ENOX1: variants seen among roughly 807,000 people sequenced by gnomAD.
ENOX1 encodes the protein ecto-NOX disulfide-thiol exchanger 1.
ENOX1 carries 42 observed loss-of-function variants against 82.5 expected under a neutral mutation model. The ratio of observed to expected loss-of-function variants is 0.51; its 90% CI spans 0.40 to 0.66. The LOEUF is 0.66. Ranked by LOEUF, ENOX1 falls within the 30% of genes least tolerant of loss-of-function variation. The pLI is 0.00. For synonymous variants in ENOX1, 271 were observed against 282.2 expected (o/e 0.96, Z 0.40); for missense variants, 608 against 811.6 (o/e 0.75, Z 3.05).
chr13:43,604,749 A>G (rs1205834068), intron 2 of ENOX1, among the ~76,000 whole-genome samples: 1 of 152,180 alleles, frequency 6.6e-6, no homozygotes, highest in African/African-American at 2.4e-5. Context: ...CTGTTATTCA[A>G]CACAACTGGA....
intron 2 of ENOX1, among the ~76,000 whole-genome samples, chr13:43,521,456 C>T (rs2077765149): frequency 1.3e-5 from 2 of 152,030 alleles, no homozygotes; most frequent in South Asian, 4.2e-4. Flanking sequence ...GCTGGGTATT[C>T]CCGCTCTCAT....
chr13:43,616,191 T>TAG (rs1475110129), intron 2 of ENOX1, among the ~76,000 whole-genome samples: 2 of 18,746 alleles, frequency 1.1e-4, no homozygotes, highest in Non-Finnish European at 6.8e-4. Context: ...TCTATCTATA[T>TAG]ATATATATAT....
At chr13:43,496,390 T>C (rs916603257) in intron 2 of ENOX1, among the ~76,000 whole-genome samples, 2 of 146,746 alleles carry the variant, frequency 1.4e-5, no homozygotes, top group Non-Finnish European at 3.0e-5. Flanking sequence ...TCTTTTTCTA[T>C]TTTTTTTTTT....
intron 12 of ENOX1, among the ~76,000 whole-genome samples, chr13:43,282,812 G>C (rs2153492424): frequency 6.6e-6 from 1 of 151,990 alleles, no homozygotes; most frequent in Admixed American, 6.6e-5. Context: ...TAAGCTATTG[G>C]CCAGGCGCGG....
rs777447850 is a variant in ENOX1 at position 43,739,089 on chromosome 13, GATTA to G, written c.-285+47559_-285+47562del. The stretch of plus-strand genomic sequence containing the variant: ...TTCCTAGGTTCCAACTAGCTAATCA[GATTA>G]ATTGACACCATTTGTTCACTAACAA... On this transcript the variant is annotated intron_variant, in intron 1 of 16. Coordinates refer to ENST00000690772, the MANE Select transcript of ENOX1 (RefSeq NM_001347969.2). Among the ~76,000 whole-genome samples the G allele has an allele frequency of 4.6e-5, 7 of 152,246 alleles. No homozygotes were observed. In the South Asian group the frequency reaches 6.2e-4, roughly 14 times the overall value.
intron 5 of ENOX1, among the ~76,000 whole-genome samples, chr13:43,367,716 T>C (rs1462353669): frequency 8.5e-6 from 1 of 117,854 alleles, no homozygotes; most frequent in African/African-American, 3.3e-5. Context: ...CAGCCCTACC[T>C]AGAAAACAAA....
intron 2 of ENOX1, among the ~76,000 whole-genome samples, chr13:43,658,401 T>A (rs1352837223): frequency 1.3e-5 from 2 of 152,214 alleles, no homozygotes; most frequent in Non-Finnish European, 2.9e-5. Flanking sequence ...TTAGGTTTTT[T>A]ATCACACACA....
At position 43,236,696 on chromosome 13, in the gene ENOX1, C is replaced by T; in HGVS notation, c.1654G>A (p.Glu552Lys). The change falls in exon 15 of 17, where the codon GAG (glutamate) becomes AAG (lysine). Residue 552 changes from glutamate to lysine, a missense_variant. Coordinates refer to ENST00000690772, the MANE Select transcript of ENOX1 (RefSeq NM_001347969.2). ...LTVALVNQDR[E>K]NNIEKRSQGL... ...TGGCTTCTTTTCTCAATATTGTTCT[C>T]TCGGTCTTGGTTGACTAATGCAACT... 6.3e-7 allele frequency: 1 copy of T among 1,589,644 alleles called. No homozygotes were observed. The highest frequency in any genetic ancestry group is 8.5e-7 in the Non-Finnish European group (1 of 1,173,824).
intron 3 of ENOX1, among the ~76,000 whole-genome samples, chr13:43,444,784 G>A (rs1014067489): frequency 5.3e-5 from 8 of 152,212 alleles, no homozygotes; most frequent in African/African-American, 1.9e-4. Context: ...TAGGAGGGAT[G>A]TATTCAGGAG....
At chr13:43,603,564 T>G (rs1239330205) in intron 2 of ENOX1, among the ~76,000 whole-genome samples, 5 of 139,492 alleles carry the variant, frequency 3.6e-5, no homozygotes, top group South Asian at 2.4e-4. Context: ...CAGGCCCTGG[T>G]GTGTGATGTT....
intron 1 of ENOX1, among the ~76,000 whole-genome samples, chr13:43,692,993 C>T (rs363955): frequency 1 from 151,611 of 152,212 alleles, 75,507 homozygotes; most frequent in East Asian, 1. Flanking sequence ...ATCAATAACA[C>T]GCATATTTAC....
chr13:43,230,776 C>T (rs2042242698), intron 15 of ENOX1, among the ~76,000 whole-genome samples: 1 of 152,152 alleles, frequency 6.6e-6, no homozygotes, highest in African/African-American at 2.4e-5. Context: ...CCTTTGCATC[C>T]TTATACAAAA....
chr13:43,699,523 T>G (rs2086807425), intron 1 of ENOX1, among the ~76,000 whole-genome samples: 1 of 152,184 alleles, frequency 6.6e-6, no homozygotes, highest in Non-Finnish European at 1.5e-5. Flanking sequence ...ATTAAACCAT[T>G]TCTATAGGGA....
At chr13:43,549,979 G>A (rs557962446) in intron 2 of ENOX1, among the ~76,000 whole-genome samples, 189 of 152,294 alleles carry the variant, frequency 1.2e-3, no homozygotes, top group African/African-American at 4.5e-3. Flanking sequence ...GATGGCAGCA[G>A]GGGGATGGTT....
chr13:43,385,799 A>G (rs2052372912), intron 5 of ENOX1, among the ~76,000 whole-genome samples: 1 of 152,240 alleles, frequency 6.6e-6, no homozygotes, highest in Non-Finnish European at 1.5e-5. Flanking sequence ...TTATTTCTGC[A>G]TCTTCAAATG....
intron 2 of ENOX1, among the ~76,000 whole-genome samples, chr13:43,634,130 A>C (rs1320933322): frequency 6.6e-6 from 1 of 151,482 alleles, no homozygotes; most frequent in Middle Eastern, 3.4e-3. Context: ...TGCTGGCAAA[A>C]CCCCTTGGGT....
intron 1 of ENOX1, among the ~76,000 whole-genome samples, chr13:43,700,588 T>G (rs188922705): frequency 2.6e-5 from 4 of 152,264 alleles, no homozygotes; most frequent in Admixed American, 2.6e-4. Context: ...AATTATCAAA[T>G]CCAGGAAACT....
At chr13:43,222,253 C>A (rs1036313804) in intron 16 of ENOX1, among the ~76,000 whole-genome samples, 1 of 152,080 alleles carries the variant, frequency 6.6e-6, no homozygotes, top group East Asian at 1.9e-4. Context: ...AAGGGAACGT[C>A]ACAAATCTTA....
At chr13:43,566,780 T>A (rs1398422071) in intron 2 of ENOX1, among the ~76,000 whole-genome samples, 2 of 152,096 alleles carry the variant, frequency 1.3e-5, no homozygotes, top group African/African-American at 2.4e-5. Flanking sequence ...AAAAATTTAA[T>A]AATTTACTGA....
Sources: allele counts gnomAD v4.1 joint callset (sites outside exome capture counted in the v4.1 genomes callset), GRCh38; gene constraint gnomAD v4.1.1; transcripts MANE v1.5; gene names NCBI Gene and HGNC (gene_info 2026-07-23, HGNC 2026-07-21).